ITGA9: variants seen among roughly 807,000 people sequenced by gnomAD.
The protein encoded by ITGA9 is integrin alpha-9.
Under a neutral mutation model 127.8 loss-of-function variants are expected in ITGA9, and 56 were observed. The ratio of observed to expected loss-of-function variants is 0.44; its 90% CI spans 0.35 to 0.55. ITGA9 has a LOEUF of 0.55. Among genes scored for constraint, ITGA9 ranks in the 20% least tolerant of loss-of-function variants. ITGA9 has a pLI of 0.00. For synonymous variants in ITGA9, 508 were observed against 514.5 expected (o/e 0.99, Z 0.17); for missense variants, 1,196 against 1,347.1 (o/e 0.89, Z 1.76).
chr3:37,649,661 C>T (rs1700411723), intron 16 of ITGA9, among the ~76,000 whole-genome samples: 1 of 152,098 alleles, frequency 6.6e-6, no homozygotes, highest in Admixed American at 6.6e-5. Context: ...GACATCTAGA[C>T]AGAAAATCAG....
intron 18 of ITGA9, among the ~76,000 whole-genome samples, chr3:37,694,285 T>C (rs1438203386): frequency 1.3e-5 from 2 of 152,112 alleles, no homozygotes; most frequent in Non-Finnish European, 2.9e-5. Context: ...CCTTCCTCCT[T>C]GAGAGGACAA....
intron 15 of ITGA9, among the ~76,000 whole-genome samples, chr3:37,606,768 G>C (rs1005148086): frequency 6.6e-6 from 1 of 152,048 alleles, no homozygotes; most frequent in Non-Finnish European, 1.5e-5. Flanking sequence ...CCACTACTCC[G>C]AGCATGGGCT....
intron 27 of ITGA9, chr3:37,807,854 A>C (rs567030127): frequency 3.0e-4 from 46 of 152,436 alleles, no homozygotes; most frequent in African/African-American, 1.1e-3. Flanking sequence ...GTCAGGGAGA[A>C]AAAAAGAATA....
intron 9 of ITGA9, among the ~76,000 whole-genome samples, chr3:37,514,937 C>G (rs1402275546): frequency 6.6e-6 from 1 of 151,910 alleles, no homozygotes; most frequent in Non-Finnish European, 1.5e-5. Context: ...TGCCTCTGGC[C>G]CTCTGTAGCT....
chr3:37,476,142 T>C (rs1361197352), intron 3 of ITGA9, among the ~76,000 whole-genome samples: 1 of 152,258 alleles, frequency 6.6e-6, no homozygotes, highest in Non-Finnish European at 1.5e-5. Context: ...TGATGAATGC[T>C]GCTATAAATG....
At chr3:37,617,353 C>A (rs1387860831) in intron 15 of ITGA9, among the ~76,000 whole-genome samples, 3 of 152,204 alleles carry the variant, frequency 2.0e-5, no homozygotes, top group Non-Finnish European at 4.4e-5. Flanking sequence ...GATGGGCTTC[C>A]CTTTGTGGGT....
intron 15 of ITGA9, among the ~76,000 whole-genome samples, chr3:37,562,472 C>A (rs1007606959): frequency 6.6e-6 from 1 of 152,166 alleles, no homozygotes; most frequent in Non-Finnish European, 1.5e-5. Context: ...GCCCCCTCCC[C>A]GCTGCCCCGA....
intron 15 of ITGA9, among the ~76,000 whole-genome samples, chr3:37,563,842 T>C (rs1054938610): frequency 6.6e-6 from 1 of 152,220 alleles, no homozygotes; most frequent in Non-Finnish European, 1.5e-5. Flanking sequence ...TGTCATCTTG[T>C]GTGGCAGTGG....
At position 37,618,238 on chromosome 3, in the gene ITGA9, GT is replaced by G. The variant is rs1218672733; in HGVS notation, c.1690-10946del. Among the ~76,000 whole-genome samples, 3 of 152,364 alleles carry G rather than the reference GT, an allele frequency of 2.0e-5. No homozygotes were observed. In the East Asian group the frequency reaches 5.8e-4, roughly 29 times the overall value. ...TTGCCAGAGGTCCACTCCAGACCCTGTTTGCCTGGGTATCAGCAGCGGAGGC... is the reference window on the plus strand; with the variant it reads ...TTGCCAGAGGTCCACTCCAGACCCTGTTGCCTGGGTATCAGCAGCGGAGGC... On this transcript the variant is annotated intron_variant, in intron 15 of 27. Transcript: ENST00000264741.
chr3:37,492,798 T>G (rs1371483700), intron 4 of ITGA9, among the ~76,000 whole-genome samples: 3 of 152,266 alleles, frequency 2.0e-5, no homozygotes, highest in Non-Finnish European at 4.4e-5. Flanking sequence ...GGGATGGATA[T>G]GCTTTTTGCC....
In ITGA9 at chr3:37,803,870, G is replaced by A. The variant is rs866867514; in HGVS notation, c.2937G>A (p.Val979=). 1 of 1,614,170 alleles carries A rather than the reference G, an allele frequency of 6.2e-7. No homozygotes were observed. The highest frequency in any genetic ancestry group is 8.5e-7 in the Non-Finnish European group (1 of 1,180,018). Residue 979 remains valine, a synonymous_variant, in exon 27 of 28, where the codon GTG becomes GTA. Transcript: ENST00000264741. Reference sequence around the variant, plus strand: ...ATCTGGAGCCCCGTGGCTACGTCGTGGGGTGGATCATCGCCATCAGTTTGT... The same window carrying A: ...ATCTGGAGCCCCGTGGCTACGTCGTAGGGTGGATCATCGCCATCAGTTTGT... ...LHNLEPRGYV[V]GWIIAISLLV...
At chr3:37,817,318 C>T (rs1010514903) in intron 27 of ITGA9, among the ~76,000 whole-genome samples, 6 of 152,306 alleles carry the variant, frequency 3.9e-5, no homozygotes, top group Middle Eastern at 3.4e-3. Context: ...TACCATGGTA[C>T]CACAACCTGC....
intron 15 of ITGA9, among the ~76,000 whole-genome samples, chr3:37,619,811 G>C (rs766189324): frequency 5.3e-5 from 8 of 152,130 alleles, no homozygotes; most frequent in Admixed American, 1.3e-4. Context: ...TGGAGCCCAG[G>C]GTGACTTGCT....
At chr3:37,460,403 C>T (rs1414691742) in intron 1 of ITGA9, among the ~76,000 whole-genome samples, 1 of 152,036 alleles carries the variant, frequency 6.6e-6, no homozygotes, top group African/African-American at 2.4e-5. Flanking sequence ...TGACAATAGT[C>T]AACAATAATT....
chr3:37,517,078 C>G (rs1393004067), intron 9 of ITGA9, among the ~76,000 whole-genome samples: 8 of 152,118 alleles, frequency 5.3e-5, no homozygotes, highest in Non-Finnish European at 2.9e-5. Context: ...GTTTTATAAA[C>G]TTGTACCAAA....
chr3:37,717,879 T>G (rs143065546), intron 18 of ITGA9, among the ~76,000 whole-genome samples: 83 of 152,314 alleles, frequency 5.4e-4, no homozygotes, highest in African/African-American at 1.8e-3. Context: ...TTTAGTTAGT[T>G]GAAAGGTAAA....
intron 17 of ITGA9, among the ~76,000 whole-genome samples, chr3:37,680,558 T>C (rs1388844103): frequency 6.6e-6 from 1 of 152,174 alleles, no homozygotes; most frequent in East Asian, 1.9e-4. Flanking sequence ...CCTTACCCTT[T>C]ACATATAAGG....
chr3:37,607,992 C>T (rs901855481), intron 15 of ITGA9, among the ~76,000 whole-genome samples: 2 of 152,200 alleles, frequency 1.3e-5, no homozygotes, highest in African/African-American at 2.4e-5. Context: ...GATGGCCAGA[C>T]ACGAGAAAGC....
chr3:37,624,439 ACT>A (rs1337839886), intron 15 of ITGA9, among the ~76,000 whole-genome samples: 1 of 150,800 alleles, frequency 6.6e-6, no homozygotes, highest in East Asian at 2.0e-4. Flanking sequence ...GCAAGCCCTT[ACT>A]CTCTTTCCAC....
Sources: gnomAD v4.1 joint callset for allele counts (sites outside exome capture counted in the v4.1 genomes callset) on GRCh38, gnomAD v4.1.1 for gene constraint, MANE v1.5 for transcripts, NCBI Gene and HGNC (gene_info 2026-07-23, HGNC 2026-07-21) for gene names.